VAV2: variants seen among roughly 807,000 people sequenced by gnomAD.
VAV2 encodes the protein guanine nucleotide exchange factor VAV2.
Under a neutral mutation model 132.5 loss-of-function variants are expected in VAV2, and 67 were observed. The ratio of observed to expected loss-of-function variants is 0.51; its 90% CI spans 0.42 to 0.62. The LOEUF is 0.62. Among genes scored for constraint, VAV2 ranks in the 20% least tolerant of loss-of-function variants. The probability of loss-of-function intolerance (pLI) is 0.00; values close to 1 mark genes in which losing one functional copy is unlikely to be tolerated. For synonymous variants in VAV2, 492 were observed against 443.5 expected (o/e 1.11, Z -1.37); for missense variants, 938 against 1,153.6 (o/e 0.81, Z 2.71).
chr9:133,806,534 G>A (rs1349698019), intron 8 of VAV2, among the ~76,000 whole-genome samples: 23 of 139,268 alleles, frequency 1.7e-4, no homozygotes, highest in African/African-American at 5.7e-4. Flanking sequence ...TCCCCACCCC[G>A]GGACCCCCAT....
rs1835978169 is a variant in VAV2, at chr9:133,826,107, TA to T, written c.449+8164del. On this transcript the variant is annotated intron_variant, in intron 4 of 29. Transcript: ENST00000371850. This position sits in a 1 kb window ranked among gnomAD's most constrained non-coding sequence, Gnocchi z 4.2. ...ACCAGTGTTATGCAAAGCAGGCTCC[TA>T]AATCATAAAATTGTGGATTCCTCAA... Among the ~76,000 whole-genome samples, 1 of 152,224 alleles carries T rather than the reference TA, an allele frequency of 6.6e-6. No individual in the cohort carries two copies. The highest frequency in any genetic ancestry group is 2.4e-5 in the African/African-American group (1 of 41,454).
chr9:133,812,289 G>T, intron 4 of VAV2, 73 bp from the exon 5 acceptor site: 1 of 1,453,544 alleles, frequency 6.9e-7, no homozygotes, highest in Non-Finnish European at 9.6e-7. Context: ...CAGAGCACGA[G>T]GGTCCACGAG....
Position 133,807,312 on chromosome 9 carries a change from G to C in VAV2, c.681C>G (p.Pro227=). 1.2e-6 allele frequency: 2 copies of C among 1,610,908 alleles called. No homozygotes were observed. Among genetic ancestry groups the C allele is most frequent in the Non-Finnish European group, 1.7e-6 (2 of 1,179,210 alleles). ...CCGCCGGGCTCAGCACCAGCCGCAG[G>C]GGGCTCATGTAGTTCTGGAAGAGAG... ...LEDIEKNYMS[P]LRLVLSPADM... Residue 227 remains proline, a synonymous_variant, in exon 8 of 30, where the codon CCC becomes CCG. Transcript: ENST00000371850.
chr9:133,924,534 C>A (rs184487973), intron 2 of VAV2, among the ~76,000 whole-genome samples: 8 of 152,278 alleles, frequency 5.3e-5, no homozygotes, highest in Admixed American at 4.6e-4. Flanking sequence ...ATCACAACAG[C>A]CCCCAGCCTC....
At chr9:133,869,169 G>A (rs1266034979) in intron 2 of VAV2, among the ~76,000 whole-genome samples, 1 of 152,032 alleles carries the variant, frequency 6.6e-6, no homozygotes, top group Non-Finnish European at 1.5e-5. Context: ...GGCTAATCTT[G>A]TATTTTTAGT....
intron 25 of VAV2, among the ~76,000 whole-genome samples, chr9:133,772,956 C>T (rs1833685311): frequency 1.0e-5 from 1 of 96,262 alleles, no homozygotes; most frequent in Middle Eastern, 5.9e-3. Flanking sequence ...AATGATGGAG[C>T]CTACTGCACG....
rs983261366 is a variant in VAV2, at chr9:133,835,831, C to T, written c.381-1491G>A. ...ACCTGGGTCCTACCTGGCTCTGTCA[C>T]AGACCTGCAGGGACTGGGCCATTGG... On this transcript the variant is annotated intron_variant, in intron 3 of 29. Transcript: ENST00000371850. Among the ~76,000 whole-genome samples, 4 of 152,338 alleles carry T rather than the reference C, an allele frequency of 2.6e-5. No homozygotes were observed. In the South Asian group the frequency reaches 6.2e-4, roughly 24 times the overall value.
chr9:133,970,024 G>A (rs1170464175), intron 1 of VAV2, among the ~76,000 whole-genome samples: 3 of 152,058 alleles, frequency 2.0e-5, no homozygotes, highest in Non-Finnish European at 2.9e-5. Flanking sequence ...GTGCAGGGTG[G>A]TCTGCACCCC....
In VAV2 at chr9:133,764,229, T is replaced by C. The variant is rs138462516; in HGVS notation, c.2590-120A>G. The C allele has an allele frequency of 1.0e-3, 1,332 of 1,276,498 alleles. 7 individuals are homozygous for C. In the East Asian group the frequency reaches 0.016, roughly 15 times the overall value. The allele number at this position is 1,276,498 out of a possible 1,614,324, so 79.1% of individuals were successfully genotyped here. On this transcript the variant is annotated intron_variant, in intron 29 of 29. Transcript: ENST00000371850. ...ATGAAGATGGGGGGCCCTTCGGAAG[T>C]CCAGAGTTCTCAGAAGGACCTGGTG...
intron 12 of VAV2, among the ~76,000 whole-genome samples, chr9:133,792,555 G>A (rs1336651483): frequency 6.6e-6 from 1 of 150,766 alleles, no homozygotes; most frequent in Non-Finnish European, 1.5e-5. Flanking sequence ...AGCAGGTTGT[G>A]CCGGGTGGGG....
rs764471379 is a variant in VAV2 at position 133,797,768 on chromosome 9, G to A, written c.878C>T (p.Ala293Val). 1 of 1,613,940 alleles carries A rather than the reference G, an allele frequency of 6.2e-7. No individual in the cohort carries two copies. The highest frequency in any genetic ancestry group is 1.3e-5 in the African/African-American group (1 of 74,920). The change falls in exon 10 of 30, where the codon GCC becomes GTC. Residue 293 changes from alanine to valine, a missense_variant. Ala to Val is a moderately conservative substitution (Grantham distance 64). Coordinates refer to ENST00000371850, the MANE Select transcript of VAV2 (RefSeq NM_001134398.2). ...CAGGAGCTGGTTCAGTGTGTTCTGG[G>A]CGTGCTCCATGTGGCTGCAGTACTC... is the stretch of plus-strand genomic sequence containing the variant. ...YGEYCSHMEH[A>V]QNTLNQLLAS...
intron 1 of VAV2, among the ~76,000 whole-genome samples, chr9:133,975,070 C>T (rs10115680): frequency 0.041 from 6,232 of 152,258 alleles, 151 homozygotes; most frequent in African/African-American, 0.055. Flanking sequence ...TTCCTGCTGA[C>T]GCCAACCAAG....
At chr9:133,865,981 G>A (rs1047784646) in intron 2 of VAV2, among the ~76,000 whole-genome samples, 1 of 152,204 alleles carries the variant, frequency 6.6e-6, no homozygotes, top group Non-Finnish European at 1.5e-5. Context: ...AGCCTGGGAT[G>A]GTCAGCTGCT....
Position 133,780,683 on chromosome 9 carries a change from T to C in VAV2, c.1740+11A>G. 1.6e-6 allele frequency: 2 copies of C among 1,281,680 alleles called. No individual in the cohort carries two copies. The highest frequency in any genetic ancestry group is 2.0e-6 in the Non-Finnish European group (2 of 1,006,662). The allele number at this position is 1,281,680 out of a possible 1,614,324, so 79.4% of individuals were successfully genotyped here. A position where few individuals can be genotyped will look rare whatever the true frequency, so the allele number is the denominator to read the frequency against. ...TGGGGCAGAGGGAGGGGAAACACTCTGGGGACTTACCAGATCTGCAGGAGA... is the reference window on the plus strand; with the variant it reads ...TGGGGCAGAGGGAGGGGAAACACTCCGGGGACTTACCAGATCTGCAGGAGA... On this transcript the variant is annotated intron_variant, in intron 20 of 29. Coordinates refer to ENST00000371850, the MANE Select transcript of VAV2 (RefSeq NM_001134398.2).
chr9:133,866,805 C>CAA (rs55659710), intron 2 of VAV2, among the ~76,000 whole-genome samples: 2,466 of 85,160 alleles, frequency 0.029, 71 homozygotes, highest in African/African-American at 0.1. Flanking sequence ...GACTCCGTCT[C>CAA]AAAAAAAAAA....
rs567477870 is a variant in VAV2 at position 133,804,425 on chromosome 9, C to T, written c.836+1656G>A. On this transcript the variant is annotated intron_variant, in intron 9 of 29. Transcript: ENST00000371850. The surrounding 1 kb of genome is among the most constrained non-coding windows in gnomAD (Gnocchi z 4.5). ...AGTGGCGCTCCAAGGCAGAGATGCCCGCTGTTCCTCAGCGGGAACCACCCA... is the reference window on the plus strand; with the variant it reads ...AGTGGCGCTCCAAGGCAGAGATGCCTGCTGTTCCTCAGCGGGAACCACCCA... Among the ~76,000 whole-genome samples, 6 of 152,344 alleles carry T rather than the reference C, an allele frequency of 3.9e-5. No individual in the cohort carries two copies. Among genetic ancestry groups the T allele is most frequent in the South Asian group, 4.1e-4 (2 of 4,830 alleles).
chr9:133,869,977 T>C (rs1837962966), intron 2 of VAV2, among the ~76,000 whole-genome samples: 1 of 152,244 alleles, frequency 6.6e-6, no homozygotes, highest in Non-Finnish European at 1.5e-5. Context: ...TAAATTACTT[T>C]CTCTAACTCA....
At chr9:133,839,993 G>A (rs1027078271) in intron 3 of VAV2, among the ~76,000 whole-genome samples, 2 of 150,306 alleles carry the variant, frequency 1.3e-5, no homozygotes, top group South Asian at 2.1e-4. Flanking sequence ...CCCACTCCCC[G>A]CCCCCGAGGC....
chr9:133,978,385 G>T (rs1167840006), intron 1 of VAV2, among the ~76,000 whole-genome samples: 1 of 152,224 alleles, frequency 6.6e-6, no homozygotes, highest in Non-Finnish European at 1.5e-5. Flanking sequence ...CCACCCCTAT[G>T]CAGATTTCAA....
Sources: allele counts gnomAD v4.1 joint callset (sites outside exome capture counted in the v4.1 genomes callset), GRCh38; gene constraint gnomAD v4.1.1; non-coding constraint Gnocchi (gnomAD v3.1); transcripts MANE v1.5; gene names NCBI Gene and HGNC (gene_info 2026-07-23, HGNC 2026-07-21).